The following SLX4IP variants were observed in gnomAD, a reference collection of about 807,000 sequenced individuals.
SLX4IP encodes protein SLX4IP.
A neutral mutation model predicts 32.9 loss-of-function variants in SLX4IP; 34 were observed. That is an observed-to-expected ratio of 1.03 (90% CI 0.79 to 1.38). The LOEUF (loss-of-function observed/expected upper bound fraction) is 1.38, where lower values mean the gene tolerates loss of function less well. Ranked by LOEUF, SLX4IP falls within the 40% of genes most tolerant of loss-of-function variation. The pLI is 0.00. For missense variants in SLX4IP, 444 were observed against 479.0 expected (o/e 0.93, Z 0.68); for synonymous variants, 172 against 171.7 (o/e 1.00, Z -0.01).
In SLX4IP at chr20:10,547,031, C is replaced by A. The variant is rs972460639; in HGVS notation, c.28-9200C>A. On this transcript the variant is annotated intron_variant, in intron 2 of 7. Transcript: ENST00000334534. ...AGGGGCATATGTTAAATTTAAGTAG[C>A]CCTTCATAATAACATGGTTGACCAT... 9.9e-5 allele frequency among the ~76,000 whole-genome samples: 15 copies of A among 152,278 alleles called. No homozygotes were observed. In the Middle Eastern group the frequency reaches 0.01, roughly 104 times the overall value.
chr20:10,556,425 G>T, intron 3 of SLX4IP, 105 bp downstream of exon 3: 1 of 1,132,694 alleles, frequency 8.8e-7, no homozygotes, highest in Non-Finnish European at 1.3e-6. Flanking sequence ...AAAATGTTGC[G>T]TATTTAATCC....
At chr20:10,495,079 GTACTGAATAAA>G (rs1445170188) in intron 2 of SLX4IP, among the ~76,000 whole-genome samples, 1 of 151,992 alleles carries the variant, frequency 6.6e-6, no homozygotes, top group Admixed American at 6.6e-5. Context: ...ACATCACATT[GTACTGAATAAA>G]TACATACAAT....
chr20:10,491,071 T>TAAA (rs76179946), intron 2 of SLX4IP, among the ~76,000 whole-genome samples: 58,040 of 150,126 alleles, frequency 0.39, 11,260 homozygotes, highest in Non-Finnish European at 0.43. Flanking sequence ...GGCTCCACTT[T>TAAA]AAAAAAAAAC....
Position 10,501,988 on chromosome 20 carries a change from A to C in SLX4IP, c.27+43757A>C, listed in dbSNP as rs2065723382. ...TTGTCTTTAAATAAACCTAGATGTG[A>C]TCTTTGGTTTGCATTTAGTTTCAAT... On this transcript the variant is annotated intron_variant, in intron 2 of 7. Transcript: ENST00000334534. Among the ~76,000 whole-genome samples the C allele has an allele frequency of 2.0e-5, 3 of 152,120 alleles. No individual in the cohort carries two copies. In the South Asian group the frequency reaches 6.2e-4, roughly 32 times the overall value.
At chr20:10,570,829 A>G (rs563429729) in intron 4 of SLX4IP, among the ~76,000 whole-genome samples, 4 of 151,762 alleles carry the variant, frequency 2.6e-5, no homozygotes, top group Admixed American at 2.0e-4. Context: ...ACGCCCAGCC[A>G]CATGCACACT....
At chr20:10,479,451 C>T (rs1345903903) in intron 2 of SLX4IP, among the ~76,000 whole-genome samples, 1 of 149,198 alleles carries the variant, frequency 6.7e-6, no homozygotes, top group African/African-American at 2.5e-5. Context: ...CTCCTGGGTT[C>T]AAGCAATTCT....
At chr20:10,613,555 T>C in intron 6 of SLX4IP, 1 of 1,612,210 alleles carries the variant, frequency 6.2e-7, no homozygotes, top group Non-Finnish European at 8.5e-7. Flanking sequence ...TTTTGTCTGC[T>C]CTGAATGGCT....
intron 2 of SLX4IP, among the ~76,000 whole-genome samples, chr20:10,502,896 C>T (rs1217022286): frequency 1.3e-5 from 2 of 152,108 alleles, no homozygotes; most frequent in African/African-American, 4.8e-5. Flanking sequence ...AATAGGTGCT[C>T]AGTAAATATT....
chr20:10,555,181 A>G (rs769282575), intron 2 of SLX4IP, among the ~76,000 whole-genome samples: 1 of 151,536 alleles, frequency 6.6e-6, no homozygotes, highest in South Asian at 2.1e-4. Context: ...CACTGTTGAT[A>G]TATAGGACAG....
intron 4 of SLX4IP, among the ~76,000 whole-genome samples, chr20:10,598,034 T>C (rs889711355): frequency 6.6e-6 from 1 of 152,214 alleles, no homozygotes; most frequent in Non-Finnish European, 1.5e-5. Context: ...TATGAGCTAA[T>C]AAGCAGTGAG....
intron 1 of SLX4IP, among the ~76,000 whole-genome samples, chr20:10,449,737 A>G (rs1239881535): frequency 6.6e-6 from 1 of 152,234 alleles, no homozygotes; most frequent in African/African-American, 2.4e-5. Flanking sequence ...GTGTTATGAT[A>G]TTAAAAACAG....
At chr20:10,588,576 TA>T (rs941962275) in intron 4 of SLX4IP, among the ~76,000 whole-genome samples, 28 of 152,126 alleles carry the variant, frequency 1.8e-4, no homozygotes, top group Non-Finnish European at 3.8e-4. Flanking sequence ...TACTCAGCCA[TA>T]AAAAAAGAAG....
intron 2 of SLX4IP, among the ~76,000 whole-genome samples, chr20:10,548,384 G>GC (rs2066185417): frequency 6.6e-6 from 1 of 152,000 alleles, no homozygotes; most frequent in Admixed American, 6.5e-5. Flanking sequence ...GACTACAGGC[G>GC]CCCGCCACCA....
intron 1 of SLX4IP, among the ~76,000 whole-genome samples, chr20:10,437,268 G>T (rs1299478253): frequency 6.6e-6 from 1 of 152,126 alleles, no homozygotes; most frequent in East Asian, 1.9e-4. Context: ...AGGAAAGCAG[G>T]CATGAGCGAC....
At chr20:10,445,037 GT>G (rs1171355786) in intron 1 of SLX4IP, among the ~76,000 whole-genome samples, 3 of 152,142 alleles carry the variant, frequency 2.0e-5, no homozygotes, top group African/African-American at 7.2e-5. Context: ...CAGATTCTCC[GT>G]CAATTCTTCT....
Position 10,439,849 on chromosome 20 carries a change from A to G in SLX4IP, c.-30+4396A>G, listed in dbSNP as rs1455478765. Among the ~76,000 whole-genome samples, 13 of 152,218 alleles carry G rather than the reference A, an allele frequency of 8.5e-5. No individual in the cohort carries two copies. The East Asian group carries it at 1.9e-3, about 23-fold the overall frequency. ...AGTAGAGATCTATAAAGCCAACCCTATAATTTCATAAAACTCCCCTTTGTC... is the reference window on the plus strand; with the variant it reads ...AGTAGAGATCTATAAAGCCAACCCTGTAATTTCATAAAACTCCCCTTTGTC... On this transcript the variant is annotated intron_variant, in intron 1 of 7. Transcript: ENST00000334534.
intron 2 of SLX4IP, among the ~76,000 whole-genome samples, chr20:10,487,564 G>A (rs902291903): frequency 7.9e-5 from 12 of 152,184 alleles, no homozygotes; most frequent in Non-Finnish European, 2.9e-5. Flanking sequence ...AAGCACTGAT[G>A]TTGCAACCCA....
rs564722743 is a variant in SLX4IP, at chr20:10,592,927, T to C, written c.239-5748T>C. 6.6e-5 allele frequency among the ~76,000 whole-genome samples: 10 copies of C among 152,240 alleles called. No individual in the cohort carries two copies. The East Asian group carries it at 7.7e-4, about 12-fold the overall frequency. On this transcript the variant is annotated intron_variant, in intron 4 of 7. Transcript: ENST00000334534. Reference sequence around the variant, plus strand: ...GATTACAGGCGTGAGCCACTGTGCCTAGCCTCTTCATCTTTTAAGTATATT... The same window carrying C: ...GATTACAGGCGTGAGCCACTGTGCCCAGCCTCTTCATCTTTTAAGTATATT...
chr20:10,472,122 G>T (rs2065429189), intron 2 of SLX4IP, among the ~76,000 whole-genome samples: 1 of 151,868 alleles, frequency 6.6e-6, no homozygotes, highest in African/African-American at 2.4e-5. Flanking sequence ...TTTGGAAATT[G>T]TTTAGTGTAG....
Sources: gnomAD v4.1 joint callset for allele counts (sites outside exome capture counted in the v4.1 genomes callset) on GRCh38, gnomAD v4.1.1 for gene constraint, MANE v1.5 for transcripts, NCBI Gene and HGNC (gene_info 2026-07-23, HGNC 2026-07-21) for gene names.